Variants in GIPC2 observed in about 807,000 individuals in gnomAD.
GIPC2 encodes PDZ domain-containing protein GIPC2.
A neutral mutation model predicts 30.6 loss-of-function variants in GIPC2; 30 were observed. That is an observed-to-expected ratio of 0.98 (90% CI 0.73 to 1.33). The LOEUF is 1.33. Ranked by LOEUF, GIPC2 falls within the 40% of genes most tolerant of loss-of-function variation. GIPC2 has a pLI of 0.00. For missense variants in GIPC2, 414 were observed against 390.3 expected (o/e 1.06, Z -0.51); for synonymous variants, 167 against 150.0 (o/e 1.11, Z -0.83).
chr1:78,090,773 A>G (rs1662022735), intron 2 of GIPC2, among the ~76,000 whole-genome samples: 1 of 152,242 alleles, frequency 6.6e-6, no homozygotes, highest in South Asian at 2.1e-4. Flanking sequence ...ACTAAGAATC[A>G]GCAAGACTGG....
chr1:78,049,985 C>G (rs1661166478), intron 1 of GIPC2, among the ~76,000 whole-genome samples: 1 of 149,642 alleles, frequency 6.7e-6, no homozygotes, highest in Non-Finnish European at 1.5e-5. Flanking sequence ...CAACCTCCGC[C>G]TTCTGTGTTC....
intron 2 of GIPC2, chr1:78,091,753 G>A (rs1662045020): frequency 1.3e-6 from 1 of 775,862 alleles, no homozygotes; most frequent in African/African-American, 1.7e-5. Flanking sequence ...TTGTTCTCAA[G>A]CACAAAGTAG....
At chr1:78,128,309 G>A (rs1224281458) in intron 5 of GIPC2, among the ~76,000 whole-genome samples, 1 of 152,104 alleles carries the variant, frequency 6.6e-6, no homozygotes, top group Non-Finnish European at 1.5e-5. Flanking sequence ...TGGAATTACT[G>A]GCATTGAGCC....
In GIPC2 at chr1:78,046,081, C is replaced by T. The variant is rs1571465646; in HGVS notation, c.-14C>T. On this transcript the variant is annotated 5_prime_UTR_variant, in exon 1 of 6. Transcript: ENST00000370759. ...ACGGCAGCGCAGGTGGGCCCGCGCT[C>T]TCGGCCCTGCAAGATGCCCCTGAAG... 16 of 1,419,288 alleles carry T rather than the reference C, an allele frequency of 1.1e-5. No homozygotes were observed. The East Asian group carries it at 1.2e-4, about 10-fold the overall frequency. 87.9% of individuals were successfully genotyped at this position (1,419,288 alleles called of 1,614,324 possible).
intron 1 of GIPC2, among the ~76,000 whole-genome samples, chr1:78,057,740 C>G (rs555796218): frequency 6.6e-6 from 1 of 152,268 alleles, no homozygotes; most frequent in East Asian, 1.9e-4. Flanking sequence ...CATTAGAAAA[C>G]TTATTGGTTA....
chr1:78,057,750 A>G (rs143556271), intron 1 of GIPC2, among the ~76,000 whole-genome samples: 7 of 152,304 alleles, frequency 4.6e-5, no homozygotes, highest in Non-Finnish European at 8.8e-5. Flanking sequence ...CTTATTGGTT[A>G]TTGGCTTTGT....
rs904816679 is a variant in GIPC2, at chr1:78,045,976, G to A, written c.-119G>A. 10 of 1,376,820 alleles carry A rather than the reference G, an allele frequency of 7.3e-6. No individual in the cohort carries two copies. The Admixed American group carries it at 1.2e-4, about 16-fold the overall frequency. The allele number at this position is 1,376,820 out of a possible 1,614,324, so 85.3% of individuals were successfully genotyped here. A position where few individuals can be genotyped will look rare whatever the true frequency, so the allele number is the denominator to read the frequency against. ...TGACCCGACGCAGCCAGGCGGAAGC[G>A]CGGCTGCCATTGGAGGCTGCTTTTA... On this transcript the variant is annotated 5_prime_UTR_variant, in exon 1 of 6. Coordinates refer to ENST00000370759, the MANE Select transcript of GIPC2 (RefSeq NM_017655.6).
At chr1:78,126,055 A>G in intron 5 of GIPC2, 93 bp downstream of exon 5, 1 of 623,668 alleles carries the variant, frequency 1.6e-6, no homozygotes, top group South Asian at 1.9e-5. Flanking sequence ...ACTTTTGAAG[A>G]TAACAATATT....
At chr1:78,082,730 A>C (rs938516752) in intron 2 of GIPC2, among the ~76,000 whole-genome samples, 2 of 152,242 alleles carry the variant, frequency 1.3e-5, no homozygotes, top group African/African-American at 2.4e-5. Flanking sequence ...GCAAGGCATA[A>C]TCTAAACTGC....
At chr1:78,127,635 A>G (rs1027864172) in intron 5 of GIPC2, among the ~76,000 whole-genome samples, 1 of 152,142 alleles carries the variant, frequency 6.6e-6, no homozygotes, top group Non-Finnish European at 1.5e-5. Flanking sequence ...ATCACCTCCT[A>G]TAAATTTTAT....
In GIPC2 at chr1:78,136,330, T is replaced by G. The variant is rs1571537104; in HGVS notation, c.*587T>G. 6.6e-6 allele frequency: 1 copy of G among 152,204 alleles called. No individual in the cohort carries two copies. The allele number at this position is 152,204 out of a possible 1,614,324, so 9.4% of individuals were successfully genotyped here. A position where few individuals can be genotyped will look rare whatever the true frequency, so the allele number is the denominator to read the frequency against. ...CTCTCTTTGTAAAACAAAGATTGAT[T>G]GATTTTCTTGTATGCTTCTTTATAC... On this transcript the variant is annotated 3_prime_UTR_variant, in exon 6 of 6. Coordinates refer to ENST00000370759, the MANE Select transcript of GIPC2 (RefSeq NM_017655.6).
intron 1 of GIPC2, among the ~76,000 whole-genome samples, chr1:78,059,680 G>A (rs1661356901): frequency 2.0e-5 from 3 of 152,158 alleles, no homozygotes; most frequent in Admixed American, 1.3e-4. Flanking sequence ...AGAGGCAAGA[G>A]GATTGCTTGA....
chr1:78,114,883 G>A (rs529958913), intron 3 of GIPC2, among the ~76,000 whole-genome samples: 74 of 152,326 alleles, frequency 4.9e-4, no homozygotes, highest in African/African-American at 1.7e-3. Context: ...GGGAGAGGCT[G>A]TGCCTGTGTG....
intron 4 of GIPC2, among the ~76,000 whole-genome samples, chr1:78,124,732 G>T (rs1414816718): frequency 1.3e-5 from 2 of 152,184 alleles, no homozygotes; most frequent in Non-Finnish European, 2.9e-5. Flanking sequence ...TTGGCTGGGC[G>T]TGATGGCTCA....
At chr1:78,084,300 G>A (rs1277168391) in intron 2 of GIPC2, among the ~76,000 whole-genome samples, 1 of 152,132 alleles carries the variant, frequency 6.6e-6, no homozygotes, top group Non-Finnish European at 1.5e-5. Context: ...GATAACTTGA[G>A]GCCAGGAGTT....
At chr1:78,087,101 C>T (rs751113164) in intron 2 of GIPC2, among the ~76,000 whole-genome samples, 4 of 152,072 alleles carry the variant, frequency 2.6e-5, no homozygotes, top group Admixed American at 6.5e-5. Context: ...AAGAGACAAA[C>T]ACATGGAAAA....
At chr1:78,065,532 T>TAA (rs200044447) in intron 1 of GIPC2, among the ~76,000 whole-genome samples, 29 of 146,596 alleles carry the variant, frequency 2.0e-4, no homozygotes, top group East Asian at 5.9e-4. Context: ...TTCACAGAAT[T>TAA]AAAAAAAAAA....
chr1:78,069,061 A>G (rs1661571173), intron 1 of GIPC2: 4 of 985,074 alleles, frequency 4.1e-6, no homozygotes, highest in Non-Finnish European at 4.8e-6. Context: ...GCAAGCAGAG[A>G]GTTGGAAGAA....
intron 1 of GIPC2, among the ~76,000 whole-genome samples, chr1:78,069,730 T>G (rs1661583329): frequency 6.6e-6 from 1 of 152,132 alleles, no homozygotes; most frequent in Non-Finnish European, 1.5e-5. Context: ...TGCCTCAGCC[T>G]CCCAAAATGC....
Sources: allele counts gnomAD v4.1 joint callset (sites outside exome capture counted in the v4.1 genomes callset), GRCh38; gene constraint gnomAD v4.1.1; transcripts MANE v1.5; gene names NCBI Gene and HGNC (gene_info 2026-07-23, HGNC 2026-07-21).